SIPA1L1: variants seen among roughly 807,000 people sequenced by gnomAD.
SIPA1L1 encodes the protein signal induced proliferation associated 1 like 1, also known as signal-induced proliferation-associated 1-like protein 1.
A neutral mutation model predicts 162.7 loss-of-function variants in SIPA1L1; 26 were observed. The observed-to-expected ratio is 0.16, with a 90% CI of 0.12 to 0.22. The LOEUF (loss-of-function observed/expected upper bound fraction) is 0.22, where lower values mean the gene tolerates loss of function less well. Among genes scored for constraint, SIPA1L1 ranks in the 10% least tolerant of loss-of-function variants. The pLI, the probability that SIPA1L1 is intolerant of heterozygous loss-of-function variation, is 1.00. For synonymous variants in SIPA1L1, 829 were observed against 837.4 expected (o/e 0.99, Z 0.17); for missense variants, 1,874 against 2,241.0 (o/e 0.84, Z 3.31).
chr14:71,495,925 A>C (rs2049733411), intron 2 of SIPA1L1, among the ~76,000 whole-genome samples: 1 of 150,700 alleles, frequency 6.6e-6, no homozygotes, highest in Non-Finnish European at 1.5e-5. Context: ...AAGAAGAAAG[A>C]AAAAAAGAAT....
At chr14:71,480,337 C>A (rs1404331326) in intron 2 of SIPA1L1, among the ~76,000 whole-genome samples, 2 of 151,506 alleles carry the variant, frequency 1.3e-5, no homozygotes, top group Non-Finnish European at 2.9e-5. Context: ...GATCTGCCCA[C>A]CTCGGCCTCC....
At chr14:71,325,224 T>G (rs905995358) in intron 2 of SIPA1L1, among the ~76,000 whole-genome samples, 1 of 152,246 alleles carries the variant, frequency 6.6e-6, no homozygotes, top group Non-Finnish European at 1.5e-5. Context: ...TTGGCCTCAT[T>G]GAATTTTTGC....
intron 2 of SIPA1L1, among the ~76,000 whole-genome samples, chr14:71,406,471 G>T (rs1040870752): frequency 6.6e-6 from 1 of 151,926 alleles, no homozygotes; most frequent in Non-Finnish European, 1.5e-5. Context: ...TGCTTTTCTG[G>T]GAAGAACACC....
At chr14:71,519,700 C>G (rs971203733) in intron 3 of SIPA1L1, among the ~76,000 whole-genome samples, 1 of 151,980 alleles carries the variant, frequency 6.6e-6, no homozygotes, top group Non-Finnish European at 1.5e-5. Flanking sequence ...GACATGGTGT[C>G]ACACACCTGT....
chr14:71,655,572 T>C (rs1392884277), intron 8 of SIPA1L1, among the ~76,000 whole-genome samples: 1 of 152,228 alleles, frequency 6.6e-6, no homozygotes, highest in East Asian at 1.9e-4. Flanking sequence ...GCTGTATTAA[T>C]TTACATTCCC....
chr14:71,707,813 A>G lies in SIPA1L1; in HGVS notation c.3766-1409A>G, dbSNP rs533763503. ...ATGCCTTTTTATTTCTCTTGGGTATATATATATACCAACGTAGAATTGCAG... is the reference window on the plus strand; with the variant it reads ...ATGCCTTTTTATTTCTCTTGGGTATGTATATATACCAACGTAGAATTGCAG... On this transcript the variant is annotated intron_variant, in intron 16 of 23. Transcript: ENST00000381232. Among the ~76,000 whole-genome samples, 198 of 151,890 alleles carry G rather than the reference A, an allele frequency of 1.3e-3. 1 individual carries two copies. Among genetic ancestry groups the G allele is most frequent in the Non-Finnish European group, 1.9e-3 (131 of 67,998 alleles).
chr14:71,493,498 A>G (rs994361107), intron 2 of SIPA1L1, among the ~76,000 whole-genome samples: 1 of 152,244 alleles, frequency 6.6e-6, no homozygotes, highest in African/African-American at 2.4e-5. Flanking sequence ...ACTTCTAGAG[A>G]AACAATTAAA....
At chr14:71,429,016 A>T (rs891284494) in intron 2 of SIPA1L1, among the ~76,000 whole-genome samples, 1 of 152,158 alleles carries the variant, frequency 6.6e-6, no homozygotes, top group Non-Finnish European at 1.5e-5. Context: ...CAGTGCATCT[A>T]TTGTCTGGGC....
At chr14:71,364,521 C>T (rs1357986973) in intron 2 of SIPA1L1, among the ~76,000 whole-genome samples, 1 of 152,036 alleles carries the variant, frequency 6.6e-6, no homozygotes, top group East Asian at 1.9e-4. Flanking sequence ...TTGTGTGTGT[C>T]ACTAATTTAT....
chr14:71,429,326 T>A (rs1377455003), intron 2 of SIPA1L1, among the ~76,000 whole-genome samples: 7 of 152,178 alleles, frequency 4.6e-5, no homozygotes, highest in Non-Finnish European at 5.9e-5. Flanking sequence ...GTACTTTTAT[T>A]TTTATTTATA....
intron 5 of SIPA1L1, among the ~76,000 whole-genome samples, chr14:71,614,254 G>A (rs1356645815): frequency 2.0e-5 from 3 of 151,504 alleles, no homozygotes; most frequent in African/African-American, 7.3e-5. Context: ...AAATTGTGAT[G>A]CATGGTGATT....
intron 5 of SIPA1L1, among the ~76,000 whole-genome samples, chr14:71,603,688 C>CGAGGCG (rs1419838442): frequency 6.6e-6 from 1 of 151,726 alleles, no homozygotes; most frequent in Non-Finnish European, 1.5e-5. Flanking sequence ...TTTGGGAGGC[C>CGAGGCG]GAGGCGGGTG....
rs1036019168 is a variant in SIPA1L1 at position 71,564,679 on chromosome 14, C to T, written c.-302-22892C>T. On this transcript the variant is annotated intron_variant, in intron 4 of 23. Coordinates refer to ENST00000381232, the MANE Select transcript of SIPA1L1 (RefSeq NM_001386936.1). ...ATTTTTTTGGTATTTTTAGTAGAGA[C>T]GGGATTTTACCATGTTAGCCAGGCT... is the stretch of plus-strand genomic sequence containing the variant. Among the ~76,000 whole-genome samples the T allele has an allele frequency of 2.0e-4, 30 of 151,700 alleles. 1 individual carries two copies. The highest frequency in any genetic ancestry group is 9.8e-4 in the Admixed American group (15 of 15,242).
At chr14:71,718,613 G>T (rs1298605741) in intron 17 of SIPA1L1, among the ~76,000 whole-genome samples, 1 of 152,190 alleles carries the variant, frequency 6.6e-6, no homozygotes, top group Non-Finnish European at 1.5e-5. Flanking sequence ...TTGCACCACT[G>T]CACTCTAGCC....
At chr14:71,426,423 G>T in intron 2 of SIPA1L1, among the ~76,000 whole-genome samples, 1 of 145,942 alleles carries the variant, frequency 6.9e-6, no homozygotes, top group Non-Finnish European at 1.5e-5. Flanking sequence ...TATTTTCTTT[G>T]TGGTTACCAT....
chr14:71,561,141 A>G (rs1194547020), intron 4 of SIPA1L1, among the ~76,000 whole-genome samples: 1 of 152,188 alleles, frequency 6.6e-6, no homozygotes, highest in East Asian at 1.9e-4. Context: ...TTCAAAAAAC[A>G]TGGGCAATGA....
chr14:71,525,110 AC>A (rs2052728472), intron 3 of SIPA1L1, among the ~76,000 whole-genome samples: 1 of 151,834 alleles, frequency 6.6e-6, no homozygotes, highest in East Asian at 1.9e-4. Flanking sequence ...AGTAGCTGGG[AC>A]TGCAGGCTCA....
chr14:71,598,885 A>G (rs149887878), intron 5 of SIPA1L1, among the ~76,000 whole-genome samples: 33 of 151,972 alleles, frequency 2.2e-4, no homozygotes, highest in African/African-American at 6.0e-4. Flanking sequence ...CTAATGTGCT[A>G]TTGAGCATTA....
chr14:71,386,019 A>G (rs1428784002), intron 2 of SIPA1L1, among the ~76,000 whole-genome samples: 2 of 151,980 alleles, frequency 1.3e-5, no homozygotes, highest in Non-Finnish European at 2.9e-5. Context: ...TCTAGTGTAT[A>G]TCTTATGCTT....
Sources: allele counts gnomAD v4.1 joint callset (sites outside exome capture counted in the v4.1 genomes callset), GRCh38; gene constraint gnomAD v4.1.1; transcripts MANE v1.5; gene names NCBI Gene and HGNC (gene_info 2026-07-23, HGNC 2026-07-21).